The following AACS variants were observed in gnomAD, a reference collection of about 807,000 sequenced individuals.
AACS encodes acetoacetate-CoA ligase.
Under a neutral mutation model 83.1 loss-of-function variants are expected in AACS, and 69 were observed. The ratio of observed to expected loss-of-function variants is 0.83; its 90% CI spans 0.68 to 1.01. The LOEUF is 1.01. AACS is among the 50% of genes least tolerant of loss of function. The pLI is 0.00. For synonymous variants in AACS, 333 were observed against 343.4 expected (o/e 0.97, Z 0.33); for missense variants, 866 against 882.2 (o/e 0.98, Z 0.23).
intron 4 of AACS, among the ~76,000 whole-genome samples, chr12:125,088,223 A>C (rs1592957686): frequency 7.0e-6 from 1 of 142,096 alleles, no homozygotes; most frequent in South Asian, 2.2e-4. Flanking sequence ...ATCAGAGCAG[A>C]CTTTTTTTTT....
chr12:125,132,013 T>G (rs765635301), intron 14 of AACS, among the ~76,000 whole-genome samples: 2 of 152,274 alleles, frequency 1.3e-5, no homozygotes, highest in African/African-American at 2.4e-5. Context: ...GGCAGTCACC[T>G]GTTCCCACTG....
Position 125,118,717 on chromosome 12 carries a change from C to T in AACS, c.1073C>T (p.Pro358Leu), listed in dbSNP as rs866355734. ...GCCATGGTCTTGTACGATGGCTCCC[C>T]CCTGGTGCCCACGCCCAATGTGCTC... ...GAAMVLYDGS[P>L]LVPTPNVLWD... is the part of the protein sequence containing the mutation. Residue 358 changes from proline to leucine, a missense_variant, in exon 10 of 18, where the codon CCC becomes CTC. Physicochemically the swap from Pro to Leu is moderately conservative, Grantham distance 98. Transcript: ENST00000316519. The T allele has an allele frequency of 2.5e-6, 4 of 1,613,972 alleles. No homozygotes were observed. Among genetic ancestry groups the T allele is most frequent in the Non-Finnish European group, 3.4e-6 (4 of 1,180,008 alleles).
chr12:125,077,288 A>G (rs946687855), intron 3 of AACS, among the ~76,000 whole-genome samples: 7 of 151,886 alleles, frequency 4.6e-5, no homozygotes, highest in African/African-American at 1.7e-4. Flanking sequence ...AGGTGGGCGG[A>G]TCACGAGGTC....
Position 125,094,964 on chromosome 12 carries a change from T to G in AACS, c.570+3441T>G, listed in dbSNP as rs1457455330. ...GCCTGCAGGCCTTGTCCTCCTGAAG[T>G]GCCATCAGGTGGCCGTGTGTGTGTG... On this transcript the variant is annotated intron_variant, in intron 5 of 17. Transcript: ENST00000316519. The surrounding 1 kb of genome is among the most constrained non-coding windows in gnomAD (Gnocchi z 4.1). Among the ~76,000 whole-genome samples, 1 of 151,018 alleles carries G rather than the reference T, an allele frequency of 6.6e-6. No individual in the cohort carries two copies. The highest frequency in any genetic ancestry group is 6.6e-5 in the Admixed American group (1 of 15,130).
At chr12:125,065,751 G>T (rs902394456) in intron 1 of AACS, 34 bp downstream of exon 1, 3 of 1,503,876 alleles carry the variant, frequency 2.0e-6, no homozygotes, top group Non-Finnish European at 2.7e-6. Context: ...GCCTGCGGGG[G>T]ATGGGCGGGA....
At chr12:125,110,262 G>A (rs1275769418) in intron 8 of AACS, among the ~76,000 whole-genome samples, 1 of 143,402 alleles carries the variant, frequency 7.0e-6, no homozygotes, top group Non-Finnish European at 1.5e-5. Context: ...TAGTAGAGAC[G>A]GGGTTTCACT....
chr12:125,111,040 G>C (rs1428430183), intron 8 of AACS, among the ~76,000 whole-genome samples: 1 of 152,102 alleles, frequency 6.6e-6, no homozygotes, highest in African/African-American at 2.4e-5. Flanking sequence ...CCAGGGGTGG[G>C]AGCGAGGGGC....
intron 9 of AACS, among the ~76,000 whole-genome samples, chr12:125,117,089 A>G (rs1371457078): frequency 1.3e-5 from 2 of 151,648 alleles, no homozygotes; most frequent in East Asian, 3.9e-4. Context: ...CCACAGGTGC[A>G]CTCCACCATG....
At chr12:125,081,527 GCTCA>G (rs1956185327) in intron 3 of AACS, among the ~76,000 whole-genome samples, 1 of 152,162 alleles carries the variant, frequency 6.6e-6, no homozygotes, top group African/African-American at 2.4e-5. Flanking sequence ...TCTGCTCCAT[GCTCA>G]CTCAGGCGTT....
intron 1 of AACS, among the ~76,000 whole-genome samples, chr12:125,066,832 A>G (rs969011931): frequency 1.3e-5 from 2 of 151,926 alleles, no homozygotes; most frequent in African/African-American, 4.8e-5. Context: ...TGGTGGCGTC[A>G]CTGTTCTTGC....
chr12:125,129,484 A>G lies in AACS; in HGVS notation c.1549+24A>G. The G allele has an allele frequency of 1.2e-6, 2 of 1,608,870 alleles. No individual in the cohort carries two copies. Among genetic ancestry groups the G allele is most frequent in the South Asian group, 2.2e-5 (2 of 90,080 alleles). ...AGGTCGGTTGGAGAGATGCAGACAG[A>G]GCTGGCCAGCCTCTGCCTTGGCTGG... On this transcript the variant is annotated intron_variant, in intron 14 of 17. Coordinates refer to ENST00000316519, the MANE Select transcript of AACS (RefSeq NM_023928.5). This position sits in a 1 kb window ranked among gnomAD's most constrained non-coding sequence, Gnocchi z 4.3.
chr12:125,101,330 G>A (rs1956703264), intron 5 of AACS: 1 of 152,268 alleles, frequency 6.6e-6, no homozygotes. Context: ...TTTCAGGAAA[G>A]CAGTGCCCTT....
intron 7 of AACS, 94 bp from the exon 8 acceptor site, chr12:125,107,027 G>A (rs543333981): frequency 4.5e-6 from 7 of 1,555,936 alleles, no homozygotes; most frequent in Admixed American, 1.7e-5. Flanking sequence ...TTTTCTGGGG[G>A]TAGAAACAGA....
intron 17 of AACS, among the ~76,000 whole-genome samples, chr12:125,137,987 T>C (rs1246023185): frequency 1.3e-5 from 2 of 152,246 alleles, no homozygotes; most frequent in Non-Finnish European, 2.9e-5. Flanking sequence ...CCGTTTACTT[T>C]GAAACCCGTA....
intron 14 of AACS, among the ~76,000 whole-genome samples, chr12:125,131,372 T>C (rs984014018): frequency 3.3e-5 from 5 of 151,800 alleles, no homozygotes; most frequent in African/African-American, 1.2e-4. Flanking sequence ...CTACCATGCC[T>C]GGTTAATTTT....
chr12:125,082,868 T>C (rs1246571142), intron 3 of AACS, among the ~76,000 whole-genome samples: 2 of 152,168 alleles, frequency 1.3e-5, no homozygotes, highest in South Asian at 2.1e-4. Context: ...ATTCATGTTA[T>C]AGAACTGAAA....
At position 125,140,076 on chromosome 12, in the gene AACS, C is replaced by T. The variant is rs994386267; in HGVS notation, c.1882-2016C>T. The T allele has an allele frequency of 4.6e-5, 7 of 152,344 alleles. No individual in the cohort carries two copies. Among genetic ancestry groups the T allele is most frequent in the East Asian group, 1.9e-4 (1 of 5,168 alleles). The allele number at this position is 152,344 out of a possible 1,614,324, so 9.4% of individuals were successfully genotyped here. A position where few individuals can be genotyped will look rare whatever the true frequency, so the allele number is the denominator to read the frequency against. On this transcript the variant is annotated intron_variant, in intron 17 of 17. Coordinates refer to ENST00000316519, the MANE Select transcript of AACS (RefSeq NM_023928.5). The surrounding 1 kb of genome is among the most constrained non-coding windows in gnomAD (Gnocchi z 5.1). ...CCAGAATAAAGACCTGGGGACCCCG[C>T]GAGGGTCATGGCCAAGTGGAATGGA...
At chr12:125,068,896 G>A (rs1336899920) in intron 1 of AACS, among the ~76,000 whole-genome samples, 1 of 150,594 alleles carries the variant, frequency 6.6e-6, no homozygotes, top group Non-Finnish European at 1.5e-5. Flanking sequence ...CTGGAGTGTG[G>A]TGGCGCGATC....
Position 125,102,987 on chromosome 12 carries a change from T to C in AACS, c.686-13T>C, listed in dbSNP as rs1205113691. 1.2e-6 allele frequency: 2 copies of C among 1,609,740 alleles called. No individual in the cohort carries two copies. The highest frequency in any genetic ancestry group is 2.2e-5 in the South Asian group (2 of 89,966). Reference sequence around the variant, plus strand: ...TCCTGTAACCTTGTGTTTTCTCCTCTCGCTCCTTCCAGGCCTACCAGACTT... The same window carrying C: ...TCCTGTAACCTTGTGTTTTCTCCTCCCGCTCCTTCCAGGCCTACCAGACTT... On this transcript the variant is annotated splice_polypyrimidine_tract_variant and intron_variant, in intron 6 of 17. Coordinates refer to ENST00000316519, the MANE Select transcript of AACS (RefSeq NM_023928.5).
Sources: allele counts gnomAD v4.1 joint callset (sites outside exome capture counted in the v4.1 genomes callset), GRCh38; gene constraint gnomAD v4.1.1; non-coding constraint Gnocchi (gnomAD v3.1); transcripts MANE v1.5; gene names NCBI Gene and HGNC (gene_info 2026-07-23, HGNC 2026-07-21).